The following GPR176 variants were observed in gnomAD, a reference collection of about 807,000 sequenced individuals.
GPR176 encodes the protein G protein-coupled receptor 176, also known as G-protein coupled receptor 176.
A neutral mutation model predicts 35.4 loss-of-function variants in GPR176; 26 were observed. The observed-to-expected ratio is 0.74, with a 90% CI of 0.54 to 1.02. GPR176 has a LOEUF of 1.02. GPR176 is among the 50% of genes least tolerant of loss of function. The probability of loss-of-function intolerance (pLI) is 0.00; values close to 1 mark genes in which losing one functional copy is unlikely to be tolerated. For missense variants in GPR176, 597 were observed against 665.3 expected, an observed-to-expected ratio of 0.90 and a Z score of 1.13; for synonymous variants, 278 against 271.3, an observed-to-expected ratio of 1.02 and a Z score of -0.24.
intron 2 of GPR176, among the ~76,000 whole-genome samples, chr15:39,806,070 C>G (rs1042343535): frequency 6.6e-6 from 1 of 152,190 alleles, no homozygotes; most frequent in Non-Finnish European, 1.5e-5. Flanking sequence ...TGAAATGACT[C>G]TATAGATGGG....
At chr15:39,917,490 C>T (rs923287944) in intron 1 of GPR176, among the ~76,000 whole-genome samples, 9 of 151,148 alleles carry the variant, frequency 6.0e-5, no homozygotes, top group Admixed American at 2.0e-4. Flanking sequence ...TGCATGCCAC[C>T]ACATGCAGCT....
chr15:39,896,124 A>G (rs750678758), intron 1 of GPR176, among the ~76,000 whole-genome samples: 3 of 152,148 alleles, frequency 2.0e-5, no homozygotes, highest in Non-Finnish European at 2.9e-5. Flanking sequence ...GCATGATCGT[A>G]GCTCACTGTA....
chr15:39,814,404 A>T (rs1899763620), intron 1 of GPR176, among the ~76,000 whole-genome samples: 1 of 152,144 alleles, frequency 6.6e-6, no homozygotes, highest in Non-Finnish European at 1.5e-5. Context: ...TTTTATTTAA[A>T]ATTTGTATTT....
intron 1 of GPR176, among the ~76,000 whole-genome samples, chr15:39,882,141 C>T (rs375714845): frequency 5.3e-5 from 8 of 152,186 alleles, no homozygotes; most frequent in African/African-American, 1.7e-4. Context: ...AGAAGCATTA[C>T]TCAAAGTTAT....
intron 1 of GPR176, among the ~76,000 whole-genome samples, chr15:39,914,615 T>C (rs2033679024): frequency 1.3e-5 from 2 of 152,180 alleles, no homozygotes; most frequent in African/African-American, 4.8e-5. Context: ...TGGCCCAGGA[T>C]ACCTTATTCT....
chr15:39,895,799 C>T lies in GPR176; in HGVS notation c.172+24056G>A, dbSNP rs139686896. On this transcript the variant is annotated intron_variant, in intron 1 of 2. Transcript: ENST00000561100. The stretch of plus-strand genomic sequence containing the variant: ...GTACTTTATGTTAGGCCATATCCTC[C>T]CAATGTTATGATGCAAATATATTTA... Among the ~76,000 whole-genome samples, 368 of 152,144 alleles carry T rather than the reference C, an allele frequency of 2.4e-3. 2 individuals carry two copies. The highest frequency in any genetic ancestry group is 8.5e-3 in the African/African-American group (354 of 41,478).
At chr15:39,889,753 T>C (rs1482010822) in intron 1 of GPR176, among the ~76,000 whole-genome samples, 1 of 152,142 alleles carries the variant, frequency 6.6e-6, no homozygotes, top group African/African-American at 2.4e-5. Flanking sequence ...AGGACTTTGT[T>C]TGGTTCCCTA....
At chr15:39,857,735 A>G (rs947615402) in intron 1 of GPR176, among the ~76,000 whole-genome samples, 3 of 152,044 alleles carry the variant, frequency 2.0e-5, no homozygotes, top group Middle Eastern at 3.2e-3. Flanking sequence ...TTGGAAGGCC[A>G]AGGCGGGCGG....
chr15:39,800,525 A>G lies in GPR176; in HGVS notation c.*607T>C, dbSNP rs1032664158. ...GGGCACATCTATCGCCATGTGTACC[A>G]TAGGTGAGGAATCGTCATTCCTTAC... is the stretch of plus-strand genomic sequence containing the variant. On this transcript the variant is annotated 3_prime_UTR_variant, in exon 3 of 3. Transcript: ENST00000561100. The G allele has an allele frequency of 6.5e-6, 1 of 153,390 alleles. No individual in the cohort carries two copies. The highest frequency in any genetic ancestry group is 1.5e-5 in the Non-Finnish European group (1 of 68,926). 9.5% of individuals were successfully genotyped at this position (153,390 alleles called of 1,614,324 possible).
At chr15:39,882,258 A>G (rs2032503856) in intron 1 of GPR176, among the ~76,000 whole-genome samples, 1 of 152,224 alleles carries the variant, frequency 6.6e-6, no homozygotes, top group Admixed American at 6.5e-5. Flanking sequence ...TGGACTATGC[A>G]AGTATTGGCA....
At chr15:39,849,902 C>T (rs1426124602) in intron 1 of GPR176, among the ~76,000 whole-genome samples, 1 of 152,106 alleles carries the variant, frequency 6.6e-6, no homozygotes, top group Non-Finnish European at 1.5e-5. Context: ...GCACAGTCTA[C>T]TACACAACTC....
At chr15:39,819,402 C>T (rs1237829977) in intron 1 of GPR176, among the ~76,000 whole-genome samples, 1 of 152,182 alleles carries the variant, frequency 6.6e-6, no homozygotes, top group Non-Finnish European at 1.5e-5. Flanking sequence ...ACTCTGTCAA[C>T]CCTCATTAGC....
intron 1 of GPR176, among the ~76,000 whole-genome samples, chr15:39,893,677 C>T (rs1340330805): frequency 3.3e-5 from 5 of 151,824 alleles, no homozygotes; most frequent in East Asian, 2.0e-4. Context: ...CCAGTAGGGG[C>T]GGCCGGGCAG....
chr15:39,805,152 C>A (rs1899112457), intron 2 of GPR176, among the ~76,000 whole-genome samples: 1 of 152,174 alleles, frequency 6.6e-6, no homozygotes, highest in South Asian at 2.1e-4. Flanking sequence ...ACAGCAGGTA[C>A]TACCAGGGGC....
chr15:39,801,646 C>A lies in GPR176; in HGVS notation c.1034G>T (p.Arg345Leu). 6.2e-7 allele frequency: 1 copy of A among 1,613,908 alleles called. No homozygotes were observed. The change falls in exon 3 of 3, where the codon CGT (arginine) becomes CTT (leucine). Residue 345 changes from arginine (R) to leucine (L), a missense_variant. Arg to Leu is a moderately radical substitution (Grantham distance 102). This residue lies in a region of GPR176 where 251 missense variants were observed against 255.4 expected (regional missense o/e 0.98). Coordinates refer to ENST00000561100, the MANE Select transcript of GPR176 (RefSeq NM_007223.3). ...GCCACTCCCTGTACTGACCACATTA[C>A]GGCGACTGTACCGGTGGTGTAGTTG... ...LVQLHHRYSRRNVVSTGSGMA... is the reference protein window; with the variant it reads ...LVQLHHRYSRLNVVSTGSGMA...
chr15:39,823,359 T>A (rs1349361393), intron 1 of GPR176, among the ~76,000 whole-genome samples: 1 of 152,048 alleles, frequency 6.6e-6, no homozygotes, highest in Non-Finnish European at 1.5e-5. Flanking sequence ...CCTCCTCCAA[T>A]ATTATCCATC....
chr15:39,906,622 A>C (rs2033429352), intron 1 of GPR176, among the ~76,000 whole-genome samples: 1 of 152,226 alleles, frequency 6.6e-6, no homozygotes, highest in Admixed American at 6.5e-5. Context: ...TATTTAAATC[A>C]GGTGAAACCT....
At chr15:39,817,129 G>C (rs1185457277) in intron 1 of GPR176, among the ~76,000 whole-genome samples, 2 of 148,176 alleles carry the variant, frequency 1.3e-5, no homozygotes, top group East Asian at 2.0e-4. Flanking sequence ...CCAGTAGGTA[G>C]CCAGCAAGCG....
At chr15:39,873,152 G>A (rs1009268986) in intron 1 of GPR176, among the ~76,000 whole-genome samples, 4 of 152,132 alleles carry the variant, frequency 2.6e-5, no homozygotes, top group African/African-American at 9.7e-5. Context: ...TGTCTTATCT[G>A]ATCTTCAAGA....
Sources: gnomAD v4.1 joint callset for allele counts (sites outside exome capture counted in the v4.1 genomes callset) on GRCh38, gnomAD v4.1.1 for gene constraint, gnomAD v4.1.1 regional missense constraint, MANE v1.5 for transcripts, NCBI Gene and HGNC (gene_info 2026-07-23, HGNC 2026-07-21) for gene names.